Variants in SLC7A6OS observed in about 807,000 individuals in gnomAD.
SLC7A6OS encodes the protein solute carrier family 7 member 6 opposite strand.
In SLC7A6OS, 22 loss-of-function variants were observed where a neutral mutation model predicts 34.3. The observed-to-expected ratio is 0.64, with a 90% confidence interval of 0.46 to 0.92. The LOEUF is 0.92. Among genes scored for constraint, SLC7A6OS ranks in the 40% least tolerant of loss-of-function variants. The pLI is 0.00. For synonymous variants in SLC7A6OS, 199 were observed against 165.0 expected (o/e 1.21, Z -1.58); for missense variants, 434 against 407.7 (o/e 1.06, Z -0.56).
intron 2 of SLC7A6OS, among the ~76,000 whole-genome samples, chr16:68,304,758 A>G (rs1345243648): frequency 6.6e-6 from 1 of 152,236 alleles, no homozygotes; most frequent in Non-Finnish European, 1.5e-5. Flanking sequence ...CGTACAAGAT[A>G]GGCTCCTGCT....
intron 3 of SLC7A6OS, among the ~76,000 whole-genome samples, chr16:68,303,068 A>T (rs1295242430): frequency 6.6e-6 from 1 of 151,952 alleles, no homozygotes; most frequent in Non-Finnish European, 1.5e-5. Flanking sequence ...GTTTGAGACC[A>T]GCCTGGGCAA....
intron 4 of SLC7A6OS, chr16:68,302,046 G>A (rs1844608774): frequency 4.0e-6 from 1 of 249,778 alleles, no homozygotes; most frequent in Admixed American, 5.2e-5. Flanking sequence ...GAGACAATGA[G>A]CTACATATTT....
Position 68,304,139 on chromosome 16 carries a change from C to T in SLC7A6OS, c.565G>A (p.Glu189Lys). ...SEDGPGVRRQ[E>K]EQKHDDYVYD... The stretch of plus-strand genomic sequence containing the variant: ...ACATAGTCATCGTGTTTTTGTTCTT[C>T]CTGGCGCCTGACTCCTGGTCCATCC... Residue 189 changes from glutamate (E) to lysine (K), a missense_variant, in exon 3 of 5, where the codon GAA becomes AAA. Glu to Lys is a moderately conservative substitution (Grantham distance 56). Coordinates refer to ENST00000263997, the MANE Select transcript of SLC7A6OS (RefSeq NM_032178.3). 1 of 1,614,146 alleles carries T rather than the reference C, an allele frequency of 6.2e-7. No individual in the cohort carries two copies. Among genetic ancestry groups the T allele is most frequent in the Non-Finnish European group, 8.5e-7 (1 of 1,180,034 alleles).
In SLC7A6OS at chr16:68,310,272, G is replaced by A. The variant is rs2043443363; in HGVS notation, c.471+63C>T. The A allele has an allele frequency of 3.4e-6, 5 of 1,487,670 alleles. No homozygotes were observed. In the South Asian group the frequency reaches 6.7e-5, roughly 20 times the overall value. The allele number at this position is 1,487,670 out of a possible 1,614,324, so 92.2% of individuals were successfully genotyped here. A position where few individuals can be genotyped will look rare whatever the true frequency, so the allele number is the denominator to read the frequency against. ...TTAAGATGAAACTGTGCTGCGACTG[G>A]GCCCAGTCTTCTTGCATTACCATCC... On this transcript the variant is annotated intron_variant, in intron 2 of 4. Coordinates refer to ENST00000263997, the MANE Select transcript of SLC7A6OS (RefSeq NM_032178.3).
At position 68,299,098 on chromosome 16, in the gene SLC7A6OS, G is replaced by A. The variant is rs1017067931; in HGVS notation, c.*2177C>T. 9.8e-5 allele frequency: 15 copies of A among 152,618 alleles called. No individual in the cohort carries two copies. Among genetic ancestry groups the A allele is most frequent in the African/African-American group, 3.4e-4 (14 of 41,440 alleles). 9.5% of individuals were successfully genotyped at this position (152,618 alleles called of 1,614,324 possible). ...CTGTCATGGGTTTGGGATTTGTAAC[G>A]GCAAATTCCTGCCCGACGACAGGGT... On this transcript the variant is annotated 3_prime_UTR_variant, in exon 5 of 5. Transcript: ENST00000263997.
At position 68,301,663 on chromosome 16, in the gene SLC7A6OS, A is replaced by G. The variant is rs1394891246; in HGVS notation, c.800-258T>C. 6 of 292,204 alleles carry G rather than the reference A, an allele frequency of 2.1e-5. No individual in the cohort carries two copies. In the East Asian group the frequency reaches 3.9e-4, roughly 19 times the overall value. 18.1% of individuals were successfully genotyped at this position (292,204 alleles called of 1,614,324 possible). A position where few individuals can be genotyped will look rare whatever the true frequency, so the allele number is the denominator to read the frequency against. Reference sequence around the variant, plus strand: ...GTATTTTGTCACTTCTCCCCTCCGTATAGGATTTTTTGTTGTTGTAAGAGT... The same window carrying G: ...GTATTTTGTCACTTCTCCCCTCCGTGTAGGATTTTTTGTTGTTGTAAGAGT... On this transcript the variant is annotated intron_variant, in intron 4 of 4. Transcript: ENST00000263997.
intron 3 of SLC7A6OS, 198 bp downstream of exon 3, chr16:68,303,828 T>C: frequency 1.7e-6 from 1 of 588,340 alleles, no homozygotes; most frequent in African/African-American, 1.9e-5. Context: ...AAATGATCAA[T>C]CTAAGATGAT....
rs1159527778 is a variant in SLC7A6OS, at chr16:68,298,993, TAAAG to T, written c.*2278_*2281del. Reference sequence around the variant, plus strand: ...TAACCTTGGCCATATATTTGCTCAATAAAGATTGAAGGAAGCATGGTCATAGTTG... The same window carrying T: ...TAACCTTGGCCATATATTTGCTCAATATTGAAGGAAGCATGGTCATAGTTG... On this transcript the variant is annotated 3_prime_UTR_variant, in exon 5 of 5. Transcript: ENST00000263997. 1.3e-5 allele frequency: 2 copies of T among 152,612 alleles called. No individual in the cohort carries two copies. The highest frequency in any genetic ancestry group is 2.9e-5 in the Non-Finnish European group (2 of 68,042). 9.5% of individuals were successfully genotyped at this position (152,612 alleles called of 1,614,324 possible).
At chr16:68,305,918 T>A (rs1451140975) in intron 2 of SLC7A6OS, among the ~76,000 whole-genome samples, 1 of 151,894 alleles carries the variant, frequency 6.6e-6, no homozygotes, top group Non-Finnish European at 1.5e-5. Flanking sequence ...ATTAGCTGGG[T>A]GTGGTAGCGC....
In SLC7A6OS at chr16:68,310,851, C is replaced by G. The variant is rs1256458893; in HGVS notation, c.76G>C (p.Ala26Pro). 6.2e-7 allele frequency: 1 copy of G among 1,612,898 alleles called. No homozygotes were observed. Among genetic ancestry groups the G allele is most frequent in the Admixed American group, 1.7e-5 (1 of 59,986 alleles). ...GCGTCGCTCCGGAGGCGTTTACAAG[C>G]GAGCACAAGAGCCTCCGCCGGCTCC... is the stretch of plus-strand genomic sequence containing the variant. Reference protein sequence around the residue: ...SAEPAEALVLACKRLRSDAVE... With the variant: ...SAEPAEALVLPCKRLRSDAVE... The change falls in exon 1 of 5, where the codon GCT becomes CCT. Residue 26 changes from alanine (A) to proline (P), a missense_variant. Coordinates refer to ENST00000263997, the MANE Select transcript of SLC7A6OS (RefSeq NM_032178.3).
At chr16:68,307,003 C>T (rs2043331944) in intron 2 of SLC7A6OS, among the ~76,000 whole-genome samples, 1 of 152,132 alleles carries the variant, frequency 6.6e-6, no homozygotes, top group African/African-American at 2.4e-5. Flanking sequence ...CTGAGCCCAG[C>T]CCATATTTTC....
intron 2 of SLC7A6OS, among the ~76,000 whole-genome samples, chr16:68,308,149 G>C (rs565044099): frequency 2.0e-5 from 3 of 151,074 alleles, no homozygotes; most frequent in Admixed American, 6.6e-5. Flanking sequence ...TGATCCACCC[G>C]CCTCAGCCTC....
chr16:68,304,406 C>T (rs1032960421), intron 2 of SLC7A6OS, among the ~76,000 whole-genome samples, 174 bp from the exon 3 acceptor site: 5 of 152,134 alleles, frequency 3.3e-5, no homozygotes, highest in Admixed American at 2.0e-4. Context: ...CTGCAACCTC[C>T]GCCTCCCAGG....
intron 2 of SLC7A6OS, among the ~76,000 whole-genome samples, chr16:68,309,263 T>A (rs1303624581): frequency 6.6e-6 from 1 of 151,900 alleles, no homozygotes; most frequent in African/African-American, 2.4e-5. Context: ...CCCAGCTAAT[T>A]TCCTCTTCCT....
intron 2 of SLC7A6OS, 49 bp from the exon 3 acceptor site, chr16:68,304,281 T>A (rs374874080): frequency 6.5e-7 from 1 of 1,542,670 alleles, no homozygotes; most frequent in Non-Finnish European, 9.0e-7. Context: ...CAAAACATGA[T>A]GTTCCAAGAG....
chr16:68,304,061 G>C lies in SLC7A6OS; in HGVS notation c.643C>G (p.Leu215Val), dbSNP rs2043308122. 2.5e-6 allele frequency: 4 copies of C among 1,613,826 alleles called. No homozygotes were observed. Among genetic ancestry groups the C allele is most frequent in the Non-Finnish European group, 3.4e-6 (4 of 1,179,944 alleles). The change falls in exon 3 of 5, where the codon CTC becomes GTC. Residue 215 changes from leucine to valine, a missense_variant. Physicochemically the swap from Leu to Val is conservative, Grantham distance 32 (BLOSUM62 1). Coordinates refer to ENST00000263997, the MANE Select transcript of SLC7A6OS (RefSeq NM_032178.3). Reference sequence around the variant, plus strand: ...TCTTGGCTGTAGGGCTGCACGGAGAGGATGTTCTCAATCCAGCCTGGAGTG... The same window carrying C: ...TCTTGGCTGTAGGGCTGCACGGAGACGATGTTCTCAATCCAGCCTGGAGTG... ...TATPGWIENILSVQPYSQEWE... is the reference protein window; with the variant it reads ...TATPGWIENIVSVQPYSQEWE...
Position 68,300,823 on chromosome 16 carries a change from G to A in SLC7A6OS, c.*452C>T, listed in dbSNP as rs903796824. On this transcript the variant is annotated 3_prime_UTR_variant, in exon 5 of 5. Coordinates refer to ENST00000263997, the MANE Select transcript of SLC7A6OS (RefSeq NM_032178.3). Reference sequence around the variant, plus strand: ...CTATCCAGTCTGTATTGCTACAAGGGACCCACTGGTACCCCTTTTAGATTC... The same window carrying A: ...CTATCCAGTCTGTATTGCTACAAGGAACCCACTGGTACCCCTTTTAGATTC... 2.0e-6 allele frequency: 2 copies of A among 986,136 alleles called. No homozygotes were observed. The highest frequency in any genetic ancestry group is 3.5e-5 in the African/African-American group (2 of 57,218). 61.1% of individuals were successfully genotyped at this position (986,136 alleles called of 1,614,324 possible). A position where few individuals can be genotyped will look rare whatever the true frequency, so the allele number is the denominator to read the frequency against.
rs1433429297 is a variant in SLC7A6OS, at chr16:68,298,500, A to G, written c.*2775T>C. The G allele has an allele frequency of 2.0e-5, 3 of 152,218 alleles. No homozygotes were observed. Among genetic ancestry groups the G allele is most frequent in the East Asian group, 3.8e-4 (2 of 5,198 alleles). 9.4% of individuals were successfully genotyped at this position (152,218 alleles called of 1,614,324 possible). A position where few individuals can be genotyped will look rare whatever the true frequency, so the allele number is the denominator to read the frequency against. On this transcript the variant is annotated 3_prime_UTR_variant, in exon 5 of 5. Transcript: ENST00000263997. ...CTGTCCCTGGCACCAGGCTTTGTTT[A>G]CACTTGGAGCCACCTTGGTGTGGGT...
intron 2 of SLC7A6OS, among the ~76,000 whole-genome samples, chr16:68,307,235 A>G (rs1009385588): frequency 1.3e-5 from 2 of 152,224 alleles, no homozygotes; most frequent in African/African-American, 4.8e-5. Flanking sequence ...GAGTTAAATT[A>G]AAAGAAAATA....
Sources: allele counts gnomAD v4.1 joint callset (sites outside exome capture counted in the v4.1 genomes callset), GRCh38; gene constraint gnomAD v4.1.1; transcripts MANE v1.5; gene names NCBI Gene and HGNC (gene_info 2026-07-23, HGNC 2026-07-21).